The following KIAA2012 variants were observed in gnomAD, a reference collection of about 807,000 sequenced individuals.
The protein encoded by KIAA2012 is uncharacterized protein KIAA2012.
In KIAA2012, 125 loss-of-function variants were observed where a neutral mutation model predicts 150.6. The observed-to-expected ratio is 0.83, with a 90% CI of 0.72 to 0.96. The LOEUF (loss-of-function observed/expected upper bound fraction) is 0.96. KIAA2012 is among the 40% of genes least tolerant of loss of function. The probability of loss-of-function intolerance (pLI) is 0.00; values close to 1 mark genes in which losing one functional copy is unlikely to be tolerated. For synonymous variants in KIAA2012, 462 were observed against 504.7 expected (o/e 0.92, Z 1.13); for missense variants, 1,219 against 1,354.9 (o/e 0.90, Z 1.57).
chr2:202,158,449 G>A (rs1691580979), intron 14 of KIAA2012, among the ~76,000 whole-genome samples: 1 of 152,180 alleles, frequency 6.6e-6, no homozygotes, highest in Non-Finnish European at 1.5e-5. Flanking sequence ...CAATGTTGTG[G>A]CAGAGGCAGG....
In KIAA2012 at chr2:202,194,374, C is replaced by T; in HGVS notation, c.3187+12C>T. Reference sequence around the variant, plus strand: ...AGCCGAGAGGGCCGGTGAGGGGGTTCTTGAGCTCTTTGCATCTCTCTTCTA... The same window carrying T: ...AGCCGAGAGGGCCGGTGAGGGGGTTTTTGAGCTCTTTGCATCTCTCTTCTA... On this transcript the variant is annotated intron_variant, in intron 21 of 23. Coordinates refer to ENST00000498697, the MANE Select transcript of KIAA2012 (RefSeq NM_001277372.4). The T allele has an allele frequency of 6.5e-7, 1 of 1,549,098 alleles. No homozygotes were observed. Among genetic ancestry groups the T allele is most frequent in the Non-Finnish European group, 8.7e-7 (1 of 1,146,892 alleles).
intron 3 of KIAA2012, 72 bp downstream of exon 3, chr2:202,091,001 T>G: frequency 3.4e-6 from 5 of 1,460,292 alleles, no homozygotes; most frequent in Non-Finnish European, 4.6e-6. Flanking sequence ...CAGTGTGTTT[T>G]CCATCAAGAC....
chr2:202,154,281 G>A (rs2105710790), intron 13 of KIAA2012, among the ~76,000 whole-genome samples: 1 of 152,318 alleles, frequency 6.6e-6, no homozygotes, highest in South Asian at 2.1e-4. Flanking sequence ...TTAAAAAGGA[G>A]CCTTCAACAG....
intron 20 of KIAA2012, among the ~76,000 whole-genome samples, 155 bp downstream of exon 20, chr2:202,193,658 GAAC>G (rs1371335767): frequency 1.3e-5 from 2 of 152,176 alleles, no homozygotes; most frequent in Admixed American, 6.5e-5. Context: ...GTTTTCCTAG[GAAC>G]AACACTCACC....
rs548529582 is a variant in KIAA2012 at position 202,162,619 on chromosome 2, G to A, written c.2047-2665G>A. Among the ~76,000 whole-genome samples the A allele has an allele frequency of 1.2e-3, 174 of 140,792 alleles. 1 individual carries two copies. Among genetic ancestry groups the A allele is most frequent in the Non-Finnish European group, 2.0e-3 (131 of 66,018 alleles). The allele number at this position is 140,792 out of a possible 152,430, so 92.4% of individuals were successfully genotyped here. A position where few individuals can be genotyped will look rare whatever the true frequency, so the allele number is the denominator to read the frequency against. ...TTTTTTTTACTTACTACATCTTGCAGTTCTACGTTAATTCATAAAGAGATG... is the reference window on the plus strand; with the variant it reads ...TTTTTTTTACTTACTACATCTTGCAATTCTACGTTAATTCATAAAGAGATG... On this transcript the variant is annotated intron_variant, in intron 14 of 23. Coordinates refer to ENST00000498697, the MANE Select transcript of KIAA2012 (RefSeq NM_001277372.4).
intron 20 of KIAA2012, 142 bp downstream of exon 20, chr2:202,193,645 TCA>T: frequency 6.2e-6 from 5 of 809,486 alleles, no homozygotes; most frequent in Non-Finnish European, 9.6e-6. Flanking sequence ...TTCTCTATCC[TCA>T]GTTTTCCTAG....
At chr2:202,110,483 C>G (rs1333884116) in intron 10 of KIAA2012, among the ~76,000 whole-genome samples, 19 of 152,200 alleles carry the variant, frequency 1.2e-4, no homozygotes, top group Admixed American at 1.2e-3. Flanking sequence ...ACTGACAGAC[C>G]ATTTTCAGGA....
At chr2:202,150,918 A>T (rs1187911228) in intron 13 of KIAA2012, among the ~76,000 whole-genome samples, 2 of 151,972 alleles carry the variant, frequency 1.3e-5, no homozygotes, top group African/African-American at 4.8e-5. Flanking sequence ...ATCACTATTT[A>T]TTCTTCTGTC....
intron 15 of KIAA2012, among the ~76,000 whole-genome samples, chr2:202,177,069 A>G (rs1183417800): frequency 1.3e-5 from 2 of 152,206 alleles, no homozygotes; most frequent in Non-Finnish European, 2.9e-5. Flanking sequence ...GGATTTTTAA[A>G]TGGTCACATA....
At position 202,107,966 on chromosome 2, in the gene KIAA2012, G is replaced by A. The variant is rs149880922; in HGVS notation, c.1475-1647G>A. Among the ~76,000 whole-genome samples, 791 of 152,138 alleles carry A rather than the reference G, an allele frequency of 5.2e-3. 11 individuals carry two copies. The highest frequency in any genetic ancestry group is 0.018 in the African/African-American group (758 of 41,500). On this transcript the variant is annotated intron_variant, in intron 9 of 23. Coordinates refer to ENST00000498697, the MANE Select transcript of KIAA2012 (RefSeq NM_001277372.4). Reference sequence around the variant, plus strand: ...GGAGGTTGCAGCGAGCCAAGATCACGCCACTGTACTCCAGCCTGGGCGACA... The same window carrying A: ...GGAGGTTGCAGCGAGCCAAGATCACACCACTGTACTCCAGCCTGGGCGACA...
chr2:202,203,391 T>C (rs1692567829), intron 23 of KIAA2012, among the ~76,000 whole-genome samples: 1 of 152,214 alleles, frequency 6.6e-6, no homozygotes, highest in African/African-American at 2.4e-5. Flanking sequence ...GAACAATGCA[T>C]ATCTGCAACC....
At chr2:202,079,095 G>A (rs1689387584) in intron 2 of KIAA2012, among the ~76,000 whole-genome samples, 1 of 152,162 alleles carries the variant, frequency 6.6e-6, no homozygotes, top group African/African-American at 2.4e-5. Context: ...TACTCAGGAG[G>A]CTGATACATT....
At chr2:202,150,401 G>A (rs1466278822) in intron 13 of KIAA2012, among the ~76,000 whole-genome samples, 3 of 151,770 alleles carry the variant, frequency 2.0e-5, no homozygotes, top group Non-Finnish European at 2.9e-5. Context: ...AGTTTTTTTG[G>A]TTTGTTTGTT....
intron 22 of KIAA2012, chr2:202,201,325 G>A: frequency 6.4e-7 from 1 of 1,574,254 alleles, no homozygotes; most frequent in African/African-American, 1.3e-5. Flanking sequence ...GTTACATTGT[G>A]AGAAGTGCTG....
intron 13 of KIAA2012, among the ~76,000 whole-genome samples, chr2:202,147,248 A>C (rs1691320436): frequency 6.6e-6 from 1 of 152,046 alleles, no homozygotes. Flanking sequence ...ACTGTGTTTC[A>C]CTGTTTAAAA....
At chr2:202,105,077 G>A (rs950520780) in intron 8 of KIAA2012, among the ~76,000 whole-genome samples, 2 of 151,656 alleles carry the variant, frequency 1.3e-5, no homozygotes, top group African/African-American at 4.9e-5. Context: ...TCCTTTAAAA[G>A]CATCATGAGC....
chr2:202,129,156 C>G (rs1690867050), intron 12 of KIAA2012, among the ~76,000 whole-genome samples: 1 of 151,892 alleles, frequency 6.6e-6, no homozygotes, highest in Admixed American at 6.6e-5. Context: ...CTGATACCCC[C>G]TGGAACTGAG....
chr2:202,090,465 A>G (rs535733095), intron 2 of KIAA2012, among the ~76,000 whole-genome samples: 1 of 152,370 alleles, frequency 6.6e-6, no homozygotes, highest in African/African-American at 2.4e-5. Context: ...TGATTTTCAC[A>G]GGCTGAACTA....
Position 202,188,241 on chromosome 2 carries a change from C to A in KIAA2012, c.2466C>A (p.Val822=), listed in dbSNP as rs1412228936. 1.3e-6 allele frequency: 2 copies of A among 1,550,196 alleles called. No individual in the cohort carries two copies. Among genetic ancestry groups the A allele is most frequent in the African/African-American group, 2.7e-5 (2 of 73,128 alleles). ...CCAAAAGCGAGAGAGAAGGAAAGGT[C>A]TACGGGCAAGCAGAGGCTGCCATTG... ...KGPKSEREGK[V]YGQAEAAIGK... The change falls in exon 18 of 24, where the codon GTC becomes GTA. Residue 822 remains valine, a synonymous_variant. Coordinates refer to ENST00000498697, the MANE Select transcript of KIAA2012 (RefSeq NM_001277372.4).
Sources: allele counts gnomAD v4.1 joint callset (sites outside exome capture counted in the v4.1 genomes callset), GRCh38; gene constraint gnomAD v4.1.1; transcripts MANE v1.5; gene names NCBI Gene and HGNC (gene_info 2026-07-23, HGNC 2026-07-21).